APOLD1: variants seen among roughly 807,000 people sequenced by gnomAD.
APOLD1 encodes apolipoprotein L domain containing 1.
A neutral mutation model predicts 15.3 loss-of-function variants in APOLD1; 22 were observed. The observed-to-expected ratio is 1.44, with a 90% CI of 1.03 to 2.05. The LOEUF (loss-of-function observed/expected upper bound fraction) is 2.05. Ranked by LOEUF, APOLD1 falls within the 30% of genes most tolerant of loss-of-function variation. APOLD1 has a pLI of 0.00. For missense variants in APOLD1, 394 were observed against 353.5 expected, an observed-to-expected ratio of 1.11 and a Z score of -0.92; for synonymous variants, 190 against 167.4, an observed-to-expected ratio of 1.13 and a Z score of -1.04.
At chr12:12,759,108 C>T (rs1482602523) in intron 1 of APOLD1, among the ~76,000 whole-genome samples, 8 of 152,178 alleles carry the variant, frequency 5.3e-5, no homozygotes, top group Admixed American at 5.2e-4. Context: ...CACGAGATTT[C>T]ATCACGCTAC....
chr12:12,727,245 G>A (rs1946600489), intron 1 of APOLD1, among the ~76,000 whole-genome samples: 1 of 152,102 alleles, frequency 6.6e-6, no homozygotes, highest in Non-Finnish European at 1.5e-5. Context: ...CCAAGAATTA[G>A]TATGAAGAGA....
chr12:12,745,354 C>CAACATGGTG (rs1946757752), intron 1 of APOLD1, among the ~76,000 whole-genome samples: 3 of 152,134 alleles, frequency 2.0e-5, no homozygotes, highest in Admixed American at 6.5e-5. Flanking sequence ...CCAGCCTGGC[C>CAACATGGTG]ACTAAACTCT....
intron 1 of APOLD1, among the ~76,000 whole-genome samples, chr12:12,755,341 A>C (rs1487869213): frequency 6.6e-6 from 1 of 152,218 alleles, no homozygotes; most frequent in Non-Finnish European, 1.5e-5. Flanking sequence ...AAAAAGGATA[A>C]TATTTTTATG....
chr12:12,746,795 C>T (rs1449445163), intron 1 of APOLD1, among the ~76,000 whole-genome samples: 1 of 152,118 alleles, frequency 6.6e-6, no homozygotes, highest in African/African-American at 2.4e-5. Context: ...TCTTCTTCTT[C>T]CCCCTTCCCT....
At chr12:12,746,977 T>G (rs1290341993) in intron 1 of APOLD1, among the ~76,000 whole-genome samples, 3 of 152,246 alleles carry the variant, frequency 2.0e-5, no homozygotes, top group African/African-American at 4.8e-5. Context: ...ATGATTTCAT[T>G]CTTTTTTATG....
chr12:12,779,727 A>G (rs1204923493), intron 1 of APOLD1, among the ~76,000 whole-genome samples: 1 of 152,236 alleles, frequency 6.6e-6, no homozygotes, highest in Non-Finnish European at 1.5e-5. Context: ...GGATTATTAC[A>G]TAGCTATTAA....
chr12:12,767,828 C>T (rs917638995), intron 1 of APOLD1, among the ~76,000 whole-genome samples: 7 of 151,194 alleles, frequency 4.6e-5, no homozygotes, highest in Non-Finnish European at 8.8e-5. Context: ...CTCTGTCACT[C>T]GGGCTGGAGT....
intron 1 of APOLD1, among the ~76,000 whole-genome samples, chr12:12,766,566 A>G (rs1373828696): frequency 6.6e-6 from 1 of 152,238 alleles, no homozygotes; most frequent in Non-Finnish European, 1.5e-5. Flanking sequence ...AGCTGGGGCC[A>G]GACAGGGTGA....
At chr12:12,781,996 C>A (rs191223735), upstream of APOLD1, among the ~76,000 whole-genome samples, 1 of 151,568 alleles carries the variant, frequency 6.6e-6, no homozygotes, top group Non-Finnish European at 1.5e-5. Context: ...TGGTGGCTCA[C>A]GCCTGTAATC....
intron 1 of APOLD1, among the ~76,000 whole-genome samples, chr12:12,775,483 A>T (rs1947023731): frequency 6.6e-6 from 1 of 152,214 alleles, no homozygotes; most frequent in South Asian, 2.1e-4. Flanking sequence ...TAACATAGGT[A>T]CTGCTCTGTG....
At chr12:12,745,717 A>C (rs1000679178) in intron 1 of APOLD1, among the ~76,000 whole-genome samples, 1 of 152,252 alleles carries the variant, frequency 6.6e-6, no homozygotes, top group South Asian at 2.1e-4. Context: ...TTAAGTGCTG[A>C]GATTGGCCTC....
At position 12,787,238 on chromosome 12, in the gene APOLD1, C is replaced by A. The variant is rs1201617750; in HGVS notation, c.333C>A (p.Phe111Leu). ...TCACGTCCGATCTCTCGCTGATCTTCTGCAACTCCCGGGAGCTGCGGAGGG... is the reference window on the plus strand; with the variant it reads ...TCACGTCCGATCTCTCGCTGATCTTATGCAACTCCCGGGAGCTGCGGAGGG... ...VTITSDLSLI[F>L]CNSRELRRVQ... The change falls in exon 2 of 2, where the codon TTC becomes TTA. Residue 111 changes from phenylalanine to leucine, a missense_variant. Physicochemically the swap from Phe to Leu is conservative, Grantham distance 22. Transcript: ENST00000356591. The surrounding 1 kb of genome is among the most constrained non-coding windows in gnomAD (Gnocchi z 4.9). 1 of 1,574,486 alleles carries A rather than the reference C, an allele frequency of 6.4e-7. No individual in the cohort carries two copies.
intron 1 of APOLD1, among the ~76,000 whole-genome samples, chr12:12,731,774 C>A (rs945048736): frequency 6.6e-6 from 1 of 152,196 alleles, no homozygotes; most frequent in Non-Finnish European, 1.5e-5. Flanking sequence ...TCTTTCTTGA[C>A]AGTTTAATCC....
chr12:12,769,231 A>C (rs1946965980), intron 1 of APOLD1, among the ~76,000 whole-genome samples: 3 of 149,714 alleles, frequency 2.0e-5, no homozygotes, highest in African/African-American at 7.3e-5. Flanking sequence ...TCCAGCTAAA[A>C]AAAAAAAAAA....
At chr12:12,771,421 A>G in intron 1 of APOLD1, 1 of 423,808 alleles carries the variant, frequency 2.4e-6, no homozygotes. Context: ...ATTATCCCAC[A>G]AGAGGTTGAC....
intron 1 of APOLD1, among the ~76,000 whole-genome samples, chr12:12,734,893 A>G (rs1946671750): frequency 6.6e-6 from 1 of 152,166 alleles, no homozygotes; most frequent in African/African-American, 2.4e-5. Flanking sequence ...GAGCTCCACA[A>G]GGCGTCACAG....
chr12:12,772,748 C>A (rs1305161468), intron 1 of APOLD1, among the ~76,000 whole-genome samples: 2 of 152,126 alleles, frequency 1.3e-5, no homozygotes, highest in Non-Finnish European at 2.9e-5. Context: ...TAAAATACAA[C>A]TTAACAACAT....
chr12:12,770,567 G>GAAAAAAAAAAAAAAAAAAAAAAAAA (rs36112693), intron 1 of APOLD1, among the ~76,000 whole-genome samples: 7 of 119,270 alleles, frequency 5.9e-5, no homozygotes, highest in Non-Finnish European at 7.0e-5. Flanking sequence ...AAAAAAGACT[G>GAAAAAAAAAAAAAAAAAAAAAAAAA]AAAAAAAAAA....
rs1298543461 is a variant in APOLD1 at position 12,761,834 on chromosome 12, G to T, written c.97-25075G>T. Among the ~76,000 whole-genome samples, 504 of 122,428 alleles carry T rather than the reference G, an allele frequency of 4.1e-3. 13 individuals are homozygous for T. Among genetic ancestry groups the T allele is most frequent in the East Asian group, 0.016 (51 of 3,162 alleles). The allele number at this position is 122,428 out of a possible 152,430, so 80.3% of individuals were successfully genotyped here. A position where few individuals can be genotyped will look rare whatever the true frequency, so the allele number is the denominator to read the frequency against. Reference sequence around the variant, plus strand: ...ATATACATATATGTATATGTATAGAGAGAGAGAGAGAGAGAGAGAGAGAGA... The same window carrying T: ...ATATACATATATGTATATGTATAGATAGAGAGAGAGAGAGAGAGAGAGAGA... On this transcript the variant is annotated intron_variant, in intron 1 of 1. Transcript: ENST00000326765.
Sources: allele counts gnomAD v4.1 joint callset (sites outside exome capture counted in the v4.1 genomes callset), GRCh38; gene constraint gnomAD v4.1.1; non-coding constraint Gnocchi (gnomAD v3.1); transcripts MANE v1.5; gene names NCBI Gene and HGNC (gene_info 2026-07-23, HGNC 2026-07-21).